The following NMBR variants were observed in gnomAD, a reference collection of about 807,000 sequenced individuals.
NMBR encodes the protein neuromedin-B receptor.
NMBR carries 16 observed loss-of-function variants against 20.5 expected under a neutral mutation model. That is an observed-to-expected ratio of 0.78 (90% CI 0.53 to 1.19). The LOEUF (loss-of-function observed/expected upper bound fraction) is 1.19, where lower values mean the gene tolerates loss of function less well. NMBR is among the 50% of genes most tolerant of loss of function. The probability of loss-of-function intolerance (pLI) is 0.00; values close to 1 mark genes in which losing one functional copy is unlikely to be tolerated. For missense variants in NMBR, 582 were observed against 499.1 expected (o/e 1.17, Z -1.58); for synonymous variants, 212 against 196.6 (o/e 1.08, Z -0.65).
In NMBR at chr6:142,075,111, C is replaced by T. The variant is rs931053166; in HGVS notation, c.*537G>A. 1.4e-3 allele frequency among the ~76,000 whole-genome samples: 208 copies of T among 150,018 alleles called. No homozygotes were observed. In the Middle Eastern group the frequency reaches 0.017, roughly 12 times the overall value. On this transcript the variant is annotated 3_prime_UTR_variant, in exon 4 of 4. Coordinates refer to ENST00000258042, the MANE Select transcript of NMBR (RefSeq NM_002511.4). ...ATATATACATATACATATATATATA[C>T]ACACACACACACACTCATGCAATAG...
intron 1 of NMBR, chr6:142,132,961 T>A (rs2114608310): frequency 2.5e-6 from 1 of 405,138 alleles, no homozygotes; most frequent in East Asian, 3.4e-5. Context: ...TTGTTTTGTT[T>A]TGGGACAGAG....
chr6:142,080,140 T>C (rs1777063594), intron 2 of NMBR, among the ~76,000 whole-genome samples: 1 of 152,128 alleles, frequency 6.6e-6, no homozygotes, highest in Non-Finnish European at 1.5e-5. Context: ...ACCTTCTTCT[T>C]GATTTTAATT....
intron 1 of NMBR, among the ~76,000 whole-genome samples, chr6:142,137,357 C>A (rs1347367585): frequency 1.3e-5 from 2 of 152,274 alleles, no homozygotes; most frequent in Non-Finnish European, 1.5e-5. Flanking sequence ...TATCCTGAGA[C>A]TTTGCTGAAG....
At chr6:142,099,716 T>C (rs1422136617) in intron 1 of NMBR, among the ~76,000 whole-genome samples, 1 of 152,152 alleles carries the variant, frequency 6.6e-6, no homozygotes, top group African/African-American at 2.4e-5. Flanking sequence ...TAATAACTTA[T>C]TCAAAACTAA....
chr6:142,119,467 T>C lies in NMBR; in HGVS notation c.-664+27577A>G, dbSNP rs180756374. On this transcript the variant is annotated intron_variant, in intron 1 of 3. Coordinates refer to ENST00000258042, the MANE Select transcript of NMBR (RefSeq NM_002511.4). ...CTGTTCTCACCCAAAACATAAAGTGTGAAGGATTGCCAAGGACTCTAGGTG... is the reference window on the plus strand; with the variant it reads ...CTGTTCTCACCCAAAACATAAAGTGCGAAGGATTGCCAAGGACTCTAGGTG... Among the ~76,000 whole-genome samples the C allele has an allele frequency of 1.5e-3, 229 of 152,044 alleles. 2 individuals are homozygous for C. Among genetic ancestry groups the C allele is most frequent in the African/African-American group, 5.1e-3 (212 of 41,498 alleles).
intron 1 of NMBR, among the ~76,000 whole-genome samples, chr6:142,090,869 T>G (rs1232494826): frequency 6.6e-6 from 1 of 151,990 alleles, no homozygotes. Flanking sequence ...TGAATTTTTA[T>G]ATTCTCCTCC....
chr6:142,141,762 C>T (rs1276192050), intron 1 of NMBR, among the ~76,000 whole-genome samples: 4 of 152,118 alleles, frequency 2.6e-5, no homozygotes, highest in Non-Finnish European at 4.4e-5. Flanking sequence ...CTCGGCCTCC[C>T]AAAGTGCTGA....
intron 1 of NMBR, among the ~76,000 whole-genome samples, chr6:142,098,195 C>T (rs933002401): frequency 6.6e-6 from 1 of 152,024 alleles, no homozygotes; most frequent in Non-Finnish European, 1.5e-5. Flanking sequence ...AGAGGCTCAG[C>T]AAACCCCAGG....
At chr6:142,130,527 A>C (rs1778120987) in intron 1 of NMBR, among the ~76,000 whole-genome samples, 1 of 152,190 alleles carries the variant, frequency 6.6e-6, no homozygotes, top group Non-Finnish European at 1.5e-5. Context: ...CTGTAAATGT[A>C]TGTGTAGAGA....
intron 1 of NMBR, among the ~76,000 whole-genome samples, chr6:142,091,073 A>G (rs1562235859): frequency 1.3e-5 from 2 of 152,126 alleles, no homozygotes; most frequent in Admixed American, 6.5e-5. Flanking sequence ...GAATATTTTA[A>G]TAATTTTTTT....
At chr6:142,078,468 A>C (rs949375477) in intron 3 of NMBR, 87 bp downstream of exon 3, 3 of 739,802 alleles carry the variant, frequency 4.1e-6, no homozygotes, top group Non-Finnish European at 4.4e-6. Context: ...CTCCTCAGTC[A>C]TAGGATTAAA....
intron 1 of NMBR, among the ~76,000 whole-genome samples, chr6:142,136,737 A>G (rs1003067402): frequency 4.6e-5 from 7 of 152,186 alleles, no homozygotes; most frequent in African/African-American, 1.7e-4. Flanking sequence ...TCCCAGCACC[A>G]TTTATTAAAT....
At chr6:142,082,567 T>C (rs1562391522) in intron 2 of NMBR, among the ~76,000 whole-genome samples, 2 of 152,220 alleles carry the variant, frequency 1.3e-5, no homozygotes, top group Non-Finnish European at 2.9e-5. Context: ...ATGTGAAATG[T>C]GGGATTCTGC....
chr6:142,144,063 A>G (rs777743253), intron 1 of NMBR, among the ~76,000 whole-genome samples: 1 of 152,218 alleles, frequency 6.6e-6, no homozygotes. Context: ...ATAAAATGCA[A>G]TGTTTATAGT....
At chr6:142,093,926 T>C (rs1338369135) in intron 1 of NMBR, among the ~76,000 whole-genome samples, 2 of 151,430 alleles carry the variant, frequency 1.3e-5, no homozygotes, top group Non-Finnish European at 3.0e-5. Flanking sequence ...TTTTTTCATG[T>C]GTTTTTTGGC....
intron 1 of NMBR, among the ~76,000 whole-genome samples, chr6:142,130,991 A>G (rs1778131367): frequency 6.6e-6 from 1 of 152,166 alleles, no homozygotes; most frequent in Admixed American, 6.6e-5. Flanking sequence ...ATTGTTATGG[A>G]CCAGTGACCG....
chr6:142,134,448 T>A (rs1371355056), intron 1 of NMBR: 2 of 455,910 alleles, frequency 4.4e-6, no homozygotes, highest in Non-Finnish European at 3.8e-6. Flanking sequence ...TAGACTCTGT[T>A]GAGAGTTAGT....
Position 142,115,546 on chromosome 6 carries a change from G to A in NMBR, c.-663-26225C>T, listed in dbSNP as rs115732377. Among the ~76,000 whole-genome samples the A allele has an allele frequency of 3.5e-3, 535 of 152,090 alleles. 2 individuals are homozygous for A. Among genetic ancestry groups the A allele is most frequent in the African/African-American group, 0.012 (519 of 41,526 alleles). On this transcript the variant is annotated intron_variant, in intron 1 of 3. Transcript: ENST00000258042. ...GAGTCAAAAATAGGATTATTACTCT[G>A]GTGCTGGGTGTAGATATTTTTGAGC... is the stretch of plus-strand genomic sequence containing the variant.
chr6:142,135,584 T>C (rs1221956123), intron 1 of NMBR, among the ~76,000 whole-genome samples: 2 of 151,410 alleles, frequency 1.3e-5, no homozygotes, highest in African/African-American at 4.8e-5. Flanking sequence ...CATGCTGGTG[T>C]GCTGCACCCA....
Sources: allele counts gnomAD v4.1 joint callset (sites outside exome capture counted in the v4.1 genomes callset), GRCh38; gene constraint gnomAD v4.1.1; transcripts MANE v1.5; gene names NCBI Gene and HGNC (gene_info 2026-07-23, HGNC 2026-07-21).